Variants in CPNE4 observed in about 807,000 individuals in gnomAD.
CPNE4 encodes copine-4.
Under a neutral mutation model 67.9 loss-of-function variants are expected in CPNE4, and 25 were observed. The observed-to-expected ratio is 0.37, with a 90% CI of 0.27 to 0.51. The LOEUF is 0.51. Among genes scored for constraint, CPNE4 ranks in the 20% least tolerant of loss-of-function variants. The probability of loss-of-function intolerance (pLI) is 0.93; values close to 1 mark genes in which losing one functional copy is unlikely to be tolerated. For synonymous variants in CPNE4, 242 were observed against 244.9 expected (o/e 0.99, Z 0.11); for missense variants, 464 against 690.8 (o/e 0.67, Z 3.68).
At chr3:131,734,515 C>T (rs2082194059) in intron 2 of CPNE4, among the ~76,000 whole-genome samples, 1 of 152,056 alleles carries the variant, frequency 6.6e-6, no homozygotes, top group Non-Finnish European at 1.5e-5. Context: ...TCTCCTGTGT[C>T]ACATGTATGT....
chr3:131,970,793 G>A (rs1371640198), intron 1 of CPNE4, among the ~76,000 whole-genome samples: 2 of 152,086 alleles, frequency 1.3e-5, no homozygotes, highest in Non-Finnish European at 2.9e-5. Flanking sequence ...TATGTGTAGG[G>A]GTTAGTGGAG....
intron 1 of CPNE4, among the ~76,000 whole-genome samples, chr3:132,030,547 T>C (rs1205718137): frequency 6.6e-6 from 1 of 152,190 alleles, no homozygotes; most frequent in Non-Finnish European, 1.5e-5. Flanking sequence ...AGGACTGGAA[T>C]AAACTTTCCC....
chr3:131,971,169 C>G lies in CPNE4; in HGVS notation c.-2+63398G>C, dbSNP rs376752098. ...GGCAGAGCTCAGCTGGGTCTGTTAA[C>G]TGGAGTGCTGACACGGTAGTTTCAG... On this transcript the variant is annotated intron_variant, in intron 1 of 15. Transcript: ENST00000429747. Among the ~76,000 whole-genome samples the G allele has an allele frequency of 1.3e-4, 20 of 152,310 alleles. No homozygotes were observed. The South Asian group carries it at 3.1e-3, about 24-fold the overall frequency.
chr3:131,865,844 G>A (rs542637103), intron 2 of CPNE4, among the ~76,000 whole-genome samples: 33 of 152,332 alleles, frequency 2.2e-4, no homozygotes, highest in Non-Finnish European at 4.4e-4. Flanking sequence ...GGGAAGAATA[G>A]AAATCAGGAG....
At chr3:131,779,724 T>C (rs1427157206) in intron 2 of CPNE4, among the ~76,000 whole-genome samples, 2 of 151,822 alleles carry the variant, frequency 1.3e-5, no homozygotes, top group Non-Finnish European at 2.9e-5. Context: ...TCTAAAACCA[T>C]AAAAGCCCTA....
At chr3:131,726,232 C>A (rs2081996204) in intron 2 of CPNE4, among the ~76,000 whole-genome samples, 1 of 152,212 alleles carries the variant, frequency 6.6e-6, no homozygotes, top group African/African-American at 2.4e-5. Flanking sequence ...AATTCTGGTA[C>A]TTTTCTTCTA....
chr3:131,855,319 T>A (rs2086397609), intron 2 of CPNE4, among the ~76,000 whole-genome samples: 1 of 151,924 alleles, frequency 6.6e-6, no homozygotes, highest in Non-Finnish European at 1.5e-5. Flanking sequence ...CTCTTATCAC[T>A]GCAGTAGCAA....
intron 11 of CPNE4, among the ~76,000 whole-genome samples, chr3:131,557,358 G>A (rs907998995): frequency 1.3e-4 from 20 of 152,048 alleles, no homozygotes; most frequent in Non-Finnish European, 2.4e-4. Flanking sequence ...TAAGGAAAAA[G>A]GGATGAGCCC....
At chr3:131,708,693 C>A (rs1038544187) in intron 3 of CPNE4, among the ~76,000 whole-genome samples, 1 of 151,836 alleles carries the variant, frequency 6.6e-6, no homozygotes, top group Admixed American at 6.6e-5. Context: ...ATGGCGAAGG[C>A]TCTGTGGGGG....
At chr3:131,840,659 T>C (rs2108017228) in intron 2 of CPNE4, among the ~76,000 whole-genome samples, 1 of 152,346 alleles carries the variant, frequency 6.6e-6, no homozygotes, top group South Asian at 2.1e-4. Context: ...ACTAGCTTTT[T>C]GTGCCATGCC....
At chr3:131,897,186 G>T (rs1386332444) in intron 2 of CPNE4, among the ~76,000 whole-genome samples, 1 of 152,042 alleles carries the variant, frequency 6.6e-6, no homozygotes, top group Non-Finnish European at 1.5e-5. Flanking sequence ...GGATGAGAGA[G>T]GTGCAGTGTC....
At position 131,565,552 on chromosome 3, in the gene CPNE4, G is replaced by A. The variant is rs180975491; in HGVS notation, c.928-1203C>T. Among the ~76,000 whole-genome samples the A allele has an allele frequency of 4.6e-5, 7 of 152,126 alleles. No homozygotes were observed. The East Asian group carries it at 1.2e-3, about 25-fold the overall frequency. On this transcript the variant is annotated intron_variant, in intron 10 of 15. Transcript: ENST00000429747. Reference sequence around the variant, plus strand: ...GGTATAAGTTGATGGGGAAAAAAATGTTAGTCACATCTGATATTGTACCCT... The same window carrying A: ...GGTATAAGTTGATGGGGAAAAAAATATTAGTCACATCTGATATTGTACCCT...
At chr3:132,036,421 C>T (rs777437441), upstream of CPNE4, among the ~76,000 whole-genome samples, 2 of 152,218 alleles carry the variant, frequency 1.3e-5, no homozygotes, top group African/African-American at 2.4e-5. Context: ...ACACACATTG[C>T]GAGTGAGACA....
At chr3:132,028,616 A>G (rs1672043472) in intron 1 of CPNE4, among the ~76,000 whole-genome samples, 1 of 152,204 alleles carries the variant, frequency 6.6e-6, no homozygotes, top group South Asian at 2.1e-4. Context: ...TTAAGCTCCT[A>G]TTGTGTGCCA....
intron 1 of CPNE4, among the ~76,000 whole-genome samples, chr3:131,953,010 A>G (rs1583505123): frequency 1.3e-5 from 2 of 151,986 alleles, no homozygotes; most frequent in African/African-American, 2.4e-5. Flanking sequence ...GGGCGGTGCA[A>G]GATGTGCTTT....
At chr3:131,899,635 A>G (rs1261324381) in intron 2 of CPNE4, among the ~76,000 whole-genome samples, 1 of 152,072 alleles carries the variant, frequency 6.6e-6, no homozygotes, top group Non-Finnish European at 1.5e-5. Flanking sequence ...TAGTTAGTAA[A>G]GCTTTTATTG....
At chr3:131,566,424 C>A (rs1424944191) in intron 10 of CPNE4, among the ~76,000 whole-genome samples, 8 of 149,874 alleles carry the variant, frequency 5.3e-5, no homozygotes, top group African/African-American at 2.0e-4. Context: ...GAGAGCCAAC[C>A]CACCAGGAAA....
intron 2 of CPNE4, among the ~76,000 whole-genome samples, chr3:131,904,487 CACA>C (rs1012751046): frequency 6.6e-6 from 1 of 152,008 alleles, no homozygotes; most frequent in Non-Finnish European, 1.5e-5. Context: ...CTCTTGGGTC[CACA>C]ACAAGAGTTT....
chr3:131,961,009 CAGAG>C (rs1348714091), intron 1 of CPNE4, among the ~76,000 whole-genome samples: 3 of 152,124 alleles, frequency 2.0e-5, no homozygotes, highest in Non-Finnish European at 4.4e-5. Context: ...GGTACAAACT[CAGAG>C]AGATGTCACA....
Sources: allele counts gnomAD v4.1 joint callset (sites outside exome capture counted in the v4.1 genomes callset), GRCh38; gene constraint gnomAD v4.1.1; transcripts MANE v1.5; gene names NCBI Gene and HGNC (gene_info 2026-07-23, HGNC 2026-07-21).